The following PGM2L1 variants were observed in gnomAD, a reference collection of about 807,000 sequenced individuals.
PGM2L1 encodes the protein glucose 1,6-bisphosphate synthase.
PGM2L1 carries 35 observed loss-of-function variants against 73.4 expected under a neutral mutation model. That is an observed-to-expected ratio of 0.48 (90% CI 0.36 to 0.63). The LOEUF (loss-of-function observed/expected upper bound fraction) is 0.63. PGM2L1 is among the 30% of genes least tolerant of loss of function. The probability of loss-of-function intolerance (pLI) is 0.00; values close to 1 mark genes in which losing one functional copy is unlikely to be tolerated. For synonymous variants in PGM2L1, 225 were observed against 253.8 expected (o/e 0.89, Z 1.08); for missense variants, 570 against 742.0 (o/e 0.77, Z 2.69).
At chr11:74,363,677 C>A (rs1448057745) in intron 5 of PGM2L1, among the ~76,000 whole-genome samples, 1 of 152,128 alleles carries the variant, frequency 6.6e-6, no homozygotes, top group Non-Finnish European at 1.5e-5. Context: ...AGCTGAATCC[C>A]TGAATAGACC....
At chr11:74,357,329 C>T (rs377647582) in intron 5 of PGM2L1, among the ~76,000 whole-genome samples, 1 of 152,122 alleles carries the variant, frequency 6.6e-6, no homozygotes, top group East Asian at 1.9e-4. Flanking sequence ...GACTGTTATC[C>T]AAAATATATA....
At chr11:74,396,571 CGCCCG>C (rs996022383) in intron 1 of PGM2L1, among the ~76,000 whole-genome samples, 1 of 152,114 alleles carries the variant, frequency 6.6e-6, no homozygotes, top group African/African-American at 2.4e-5. Context: ...CCCGCCACCG[CGCCCG>C]GCTAATTTTT....
intron 1 of PGM2L1, among the ~76,000 whole-genome samples, chr11:74,393,821 C>A (rs1204947444): frequency 6.6e-6 from 1 of 152,176 alleles, no homozygotes; most frequent in Non-Finnish European, 1.5e-5. Flanking sequence ...CAGCCACTGA[C>A]CCCATCCACT....
At chr11:74,395,213 C>CTAT (rs1863155171) in intron 1 of PGM2L1, among the ~76,000 whole-genome samples, 2 of 152,016 alleles carry the variant, frequency 1.3e-5, no homozygotes, top group Non-Finnish European at 2.9e-5. Context: ...TTACTTGCCC[C>CTAT]TATTATTTAT....
At chr11:74,374,068 A>AC (rs1334417711) in intron 2 of PGM2L1, among the ~76,000 whole-genome samples, 1 of 149,778 alleles carries the variant, frequency 6.7e-6, no homozygotes, top group Non-Finnish European at 1.5e-5. Flanking sequence ...AAAAAAAAAA[A>AC]AAAACCAGAC....
chr11:74,339,489 GGTCA>G (rs1397560664), intron 12 of PGM2L1, among the ~76,000 whole-genome samples: 1 of 151,940 alleles, frequency 6.6e-6, no homozygotes, highest in Non-Finnish European at 1.5e-5. Flanking sequence ...CCCTTCTCTT[GGTCA>G]GTACATTACC....
intron 1 of PGM2L1, among the ~76,000 whole-genome samples, chr11:74,391,863 T>G (rs997957295): frequency 5.9e-5 from 9 of 152,198 alleles, no homozygotes; most frequent in African/African-American, 2.2e-4. Flanking sequence ...GTATACAATA[T>G]GTTTTCTGCC....
intron 5 of PGM2L1, among the ~76,000 whole-genome samples, chr11:74,364,252 A>T (rs1405393109): frequency 6.6e-6 from 1 of 152,232 alleles, no homozygotes; most frequent in Non-Finnish European, 1.5e-5. Context: ...ACCCACAGCC[A>T]ATATCATACT....
chr11:74,375,597 T>C (rs6592557), intron 1 of PGM2L1, among the ~76,000 whole-genome samples: 90,064 of 151,968 alleles, frequency 0.59, 28,705 homozygotes, highest in East Asian at 0.82. Context: ...ACATAAAAGG[T>C]GCTAAATATT....
chr11:74,391,836 G>A (rs1360098375), intron 1 of PGM2L1, among the ~76,000 whole-genome samples: 2 of 148,618 alleles, frequency 1.3e-5, no homozygotes, highest in Middle Eastern at 3.2e-3. Flanking sequence ...GCTGGTATGG[G>A]TTTTCTCTGT....
At chr11:74,362,690 T>A (rs1003419899) in intron 5 of PGM2L1, among the ~76,000 whole-genome samples, 1 of 152,032 alleles carries the variant, frequency 6.6e-6, no homozygotes, top group Non-Finnish European at 1.5e-5. Flanking sequence ...AATAAAGGGA[T>A]GGAGGAAGAT....
intron 6 of PGM2L1, 146 bp downstream of exon 6, chr11:74,351,237 G>A: frequency 2.8e-6 from 2 of 706,412 alleles, no homozygotes; most frequent in Non-Finnish European, 4.5e-6. Context: ...TGGTTACTTG[G>A]GTTATTTCCA....
chr11:74,368,678 G>T, intron 4 of PGM2L1, 103 bp from the exon 5 acceptor site: 1 of 856,394 alleles, frequency 1.2e-6, no homozygotes, highest in Non-Finnish European at 1.9e-6. Flanking sequence ...ATTATAGTAT[G>T]ATATTGCTTT....
chr11:74,381,571 C>CTTTTT (rs1195996518), intron 1 of PGM2L1, among the ~76,000 whole-genome samples: 13 of 95,406 alleles, frequency 1.4e-4, no homozygotes, highest in African/African-American at 3.1e-4. Context: ...GTGTTTTTGT[C>CTTTTT]TTTTTTTTTT....
At chr11:74,337,195 A>C (rs1862110719) in intron 13 of PGM2L1, among the ~76,000 whole-genome samples, 1 of 152,244 alleles carries the variant, frequency 6.6e-6, no homozygotes, top group Non-Finnish European at 1.5e-5. Flanking sequence ...TAAAAAAATA[A>C]ATGTGCACTT....
At position 74,332,924 on chromosome 11, in the gene PGM2L1, T is replaced by G. The variant is rs1862036229; in HGVS notation, c.*3728A>C. 6.6e-6 allele frequency: 1 copy of G among 152,544 alleles called. No individual in the cohort carries two copies. The highest frequency in any genetic ancestry group is 1.5e-5 in the Non-Finnish European group (1 of 68,020). 9.4% of individuals were successfully genotyped at this position (152,544 alleles called of 1,614,324 possible). On this transcript the variant is annotated 3_prime_UTR_variant, in exon 14 of 14. Coordinates refer to ENST00000298198, the MANE Select transcript of PGM2L1 (RefSeq NM_173582.6). ...CAAGATGAACAAAATTTTGTTCAAG[T>G]CTCACTTAATTTGCCAGGTTAAATT...
At chr11:74,350,640 G>C (rs1353194172) in intron 6 of PGM2L1, among the ~76,000 whole-genome samples, 1 of 152,172 alleles carries the variant, frequency 6.6e-6, no homozygotes, top group African/African-American at 2.4e-5. Context: ...ACCTTGGGAG[G>C]CTGAGGCAGG....
chr11:74,362,943 C>T (rs1862589687), intron 5 of PGM2L1, among the ~76,000 whole-genome samples: 1 of 152,218 alleles, frequency 6.6e-6, no homozygotes, highest in Admixed American at 6.5e-5. Flanking sequence ...ACATTCTTCT[C>T]AGCACCACAT....
chr11:74,347,418 T>A, intron 6 of PGM2L1, 81 bp from the exon 7 acceptor site: 2 of 1,183,562 alleles, frequency 1.7e-6, no homozygotes, highest in Admixed American at 5.8e-5. Context: ...AATTCTGATT[T>A]GAAAATGTGA....
Sources: allele counts gnomAD v4.1 joint callset (sites outside exome capture counted in the v4.1 genomes callset), GRCh38; gene constraint gnomAD v4.1.1; transcripts MANE v1.5; gene names NCBI Gene and HGNC (gene_info 2026-07-23, HGNC 2026-07-21).